SOBP: variants seen among roughly 807,000 people sequenced by gnomAD.
SOBP encodes sine oculis-binding protein homolog.
Under a neutral mutation model 53.6 loss-of-function variants are expected in SOBP, and 4 were observed. The observed-to-expected ratio is 0.07, with a 90% confidence interval of 0.04 to 0.17. The LOEUF (loss-of-function observed/expected upper bound fraction) is 0.17, where lower values mean the gene tolerates loss of function less well. Ranked by LOEUF, SOBP falls within the 10% of genes least tolerant of loss-of-function variation. The pLI, the probability that SOBP is intolerant of heterozygous loss-of-function variation, is 1.00. For synonymous variants in SOBP, 584 were observed against 522.6 expected, an observed-to-expected ratio of 1.12 and a Z score of -1.60; for missense variants, 1,088 against 1,204.7, an observed-to-expected ratio of 0.90 and a Z score of 1.43.
chr6:107,587,935 G>T (rs1408132188), intron 5 of SOBP, among the ~76,000 whole-genome samples: 1 of 152,108 alleles, frequency 6.6e-6, no homozygotes, highest in Non-Finnish European at 1.5e-5. Flanking sequence ...AACAGAGAAT[G>T]AATTGTCATT....
chr6:107,512,041 A>T (rs920455226), intron 3 of SOBP, among the ~76,000 whole-genome samples: 1 of 152,188 alleles, frequency 6.6e-6, no homozygotes, highest in African/African-American at 2.4e-5. Context: ...GAACAGAATA[A>T]GGCTTTGCCA....
chr6:107,645,536 A>AT (rs1011566656), intron 6 of SOBP, among the ~76,000 whole-genome samples: 2 of 151,506 alleles, frequency 1.3e-5, no homozygotes, highest in African/African-American at 2.4e-5. Context: ...AGAGACAAAA[A>AT]AAAAAGCCAA....
At chr6:107,633,275 C>T (rs577385558) in intron 5 of SOBP, among the ~76,000 whole-genome samples, 9 of 152,038 alleles carry the variant, frequency 5.9e-5, no homozygotes, top group South Asian at 2.1e-4. Flanking sequence ...GGGGACAACA[C>T]AATTTAAGAA....
intron 4 of SOBP, among the ~76,000 whole-genome samples, chr6:107,568,549 A>G (rs1197167849): frequency 6.6e-6 from 1 of 152,218 alleles, no homozygotes; most frequent in Admixed American, 6.5e-5. Context: ...TGGGAGCAAC[A>G]CACACATCAG....
chr6:107,535,882 C>A (rs1458145063), intron 4 of SOBP, among the ~76,000 whole-genome samples: 1 of 151,944 alleles, frequency 6.6e-6, no homozygotes, highest in Non-Finnish European at 1.5e-5. Context: ...TGTAATAAGC[C>A]CCTGGGTGTT....
intron 6 of SOBP, among the ~76,000 whole-genome samples, chr6:107,647,946 T>C (rs918433093): frequency 6.6e-6 from 1 of 152,182 alleles, no homozygotes; most frequent in African/African-American, 2.4e-5. Context: ...TCATTTTTGC[T>C]GTTGGGGGAG....
chr6:107,610,867 T>C (rs970741377), intron 5 of SOBP, among the ~76,000 whole-genome samples: 1 of 152,126 alleles, frequency 6.6e-6, no homozygotes, highest in African/African-American at 2.4e-5. Flanking sequence ...AATACTTGCC[T>C]TGAGAAGAGT....
intron 1 of SOBP, among the ~76,000 whole-genome samples, chr6:107,491,131 C>T (rs570014455): frequency 1.3e-5 from 2 of 152,246 alleles, no homozygotes; most frequent in Non-Finnish European, 2.9e-5. Context: ...AGCTCTATTC[C>T]ACCCCTCTCC....
In SOBP at chr6:107,635,827, TGGG is replaced by T. The variant is rs1291020890; in HGVS notation, c.*3+362_*3+364del. ...ATCACCCTATTGGAGAAGAGGAGGA[TGGG>T]GGGAGGGAGAAGAGATTAACTTGGG... On this transcript the variant is annotated intron_variant, in intron 6 of 6. Coordinates refer to ENST00000317357, the MANE Select transcript of SOBP (RefSeq NM_018013.4). The surrounding 1 kb of genome is among the most constrained non-coding windows in gnomAD (Gnocchi z 4.5). Among the ~76,000 whole-genome samples, 1 of 152,072 alleles carries T rather than the reference TGGG, an allele frequency of 6.6e-6. No individual in the cohort carries two copies. Among genetic ancestry groups the T allele is most frequent in the Non-Finnish European group, 1.5e-5 (1 of 68,006 alleles).
chr6:107,645,770 C>T (rs1032109499), intron 6 of SOBP, among the ~76,000 whole-genome samples: 5 of 152,150 alleles, frequency 3.3e-5, no homozygotes, highest in African/African-American at 7.2e-5. Context: ...GCCTTCTGGT[C>T]GATGAATTCT....
intron 4 of SOBP, among the ~76,000 whole-genome samples, chr6:107,535,637 GTT>G (rs1196256220): frequency 0.058 from 7,800 of 135,278 alleles, 672 homozygotes; most frequent in African/African-American, 0.19. Context: ...GTGTGTGTGT[GTT>G]TTTTTTTTTT....
intron 3 of SOBP, chr6:107,529,381 G>A: frequency 1.1e-6 from 1 of 890,602 alleles, no homozygotes; most frequent in Non-Finnish European, 1.3e-6. Flanking sequence ...ACACACAGGA[G>A]TCTCCTCAGA....
At chr6:107,527,631 A>T (rs138628766) in intron 3 of SOBP, among the ~76,000 whole-genome samples, 46 of 152,326 alleles carry the variant, frequency 3.0e-4, no homozygotes, top group African/African-American at 1.1e-3. Context: ...TAGGGTGGGC[A>T]TGACCAGTCC....
At position 107,621,136 on chromosome 6, in the gene SOBP, G is replaced by T. The variant is rs561889598; in HGVS notation, c.670-12378G>T. ...TTATGATAGTACTATTGAGCCACTTGAATTTATTGGAGGAAAGGAGCTATA... is the reference window on the plus strand; with the variant it reads ...TTATGATAGTACTATTGAGCCACTTTAATTTATTGGAGGAAAGGAGCTATA... On this transcript the variant is annotated intron_variant, in intron 5 of 6. Coordinates refer to ENST00000317357, the MANE Select transcript of SOBP (RefSeq NM_018013.4). 1.9e-5 allele frequency: 16 copies of T among 850,958 alleles called. No individual in the cohort carries two copies. In the South Asian group the frequency reaches 8.7e-4, roughly 46 times the overall value. 52.7% of individuals were successfully genotyped at this position (850,958 alleles called of 1,614,324 possible).
chr6:107,579,664 C>T (rs562113365), intron 4 of SOBP, among the ~76,000 whole-genome samples: 7 of 152,292 alleles, frequency 4.6e-5, no homozygotes, highest in East Asian at 1.9e-4. Context: ...CACATGCGTG[C>T]GGCTCTGAGG....
chr6:107,648,111 G>A (rs1050706097), intron 6 of SOBP, among the ~76,000 whole-genome samples: 2 of 152,144 alleles, frequency 1.3e-5, no homozygotes, highest in African/African-American at 2.4e-5. Flanking sequence ...AAAATCTGCC[G>A]TTGACCCACA....
chr6:107,514,446 A>G (rs896387416), intron 3 of SOBP: 1 of 152,214 alleles, frequency 6.6e-6, no homozygotes, highest in African/African-American at 2.4e-5. Context: ...AAGATCCAAA[A>G]TGAAACCTGA....
At chr6:107,594,540 T>C (rs1785873907) in intron 5 of SOBP, among the ~76,000 whole-genome samples, 1 of 151,706 alleles carries the variant, frequency 6.6e-6, no homozygotes, top group Non-Finnish European at 1.5e-5. Context: ...TCATTCTGCC[T>C]AACCATTTAA....
intron 6 of SOBP, among the ~76,000 whole-genome samples, chr6:107,647,547 G>C (rs1771613071): frequency 6.6e-6 from 1 of 152,224 alleles, no homozygotes; most frequent in Non-Finnish European, 1.5e-5. Context: ...TCTTCCCTTG[G>C]ATGTGTAATG....
Sources: allele counts gnomAD v4.1 joint callset (sites outside exome capture counted in the v4.1 genomes callset), GRCh38; gene constraint gnomAD v4.1.1; non-coding constraint Gnocchi (gnomAD v3.1); transcripts MANE v1.5; gene names NCBI Gene and HGNC (gene_info 2026-07-23, HGNC 2026-07-21).